The following NLRP11 variants were observed in gnomAD, a reference collection of about 807,000 sequenced individuals.
NLRP11 encodes NACHT, LRR and PYD domains-containing protein 11.
A neutral mutation model predicts 79.3 loss-of-function variants in NLRP11; 53 were observed. The observed-to-expected ratio is 0.67, with a 90% confidence interval of 0.54 to 0.84. The LOEUF is 0.84. Ranked by LOEUF, NLRP11 falls within the 40% of genes least tolerant of loss-of-function variation. NLRP11 has a pLI of 0.00. For missense variants in NLRP11, 1,264 were observed against 1,255.0 expected, an observed-to-expected ratio of 1.01 and a Z score of -0.11; for synonymous variants, 518 against 462.6, an observed-to-expected ratio of 1.12 and a Z score of -1.54.
At chr19:55,786,711 T>C (rs1024534317) in intron 9 of NLRP11, among the ~76,000 whole-genome samples, 27 of 152,142 alleles carry the variant, frequency 1.8e-4, no homozygotes, top group Non-Finnish European at 8.8e-5. Flanking sequence ...TTCTGCAGTT[T>C]AGTTTTTTTT....
upstream of NLRP11, among the ~76,000 whole-genome samples, chr19:55,832,444 G>A (rs529812859): frequency 2.6e-5 from 4 of 152,354 alleles, no homozygotes; most frequent in African/African-American, 9.6e-5. Flanking sequence ...CCAAAGGCAT[G>A]TTTAACAGGT....
intron 9 of NLRP11, among the ~76,000 whole-genome samples, chr19:55,788,580 A>C (rs1213078978): frequency 6.6e-6 from 1 of 151,552 alleles, no homozygotes; most frequent in Admixed American, 6.6e-5. Flanking sequence ...CTCTACTAAA[A>C]ATAGAAAAAA....
At chr19:55,835,116 AG>A (rs1983123697), upstream of NLRP11, among the ~76,000 whole-genome samples, 1 of 152,144 alleles carries the variant, frequency 6.6e-6, no homozygotes, top group African/African-American at 2.4e-5. Flanking sequence ...AATTCCTTAA[AG>A]TTCTCATTAT....
chr19:55,812,151 C>T lies in NLRP11; in HGVS notation c.272-1813G>A, dbSNP rs914358686. ...AAAAAAATGAATAGAAGCATATGTACGGATAACCCAGCTTTTGGAATTAGG... is the reference window on the plus strand; with the variant it reads ...AAAAAAATGAATAGAAGCATATGTATGGATAACCCAGCTTTTGGAATTAGG... On this transcript the variant is annotated intron_variant, in intron 2 of 9. Transcript: ENST00000589093. Among the ~76,000 whole-genome samples, 12 of 152,048 alleles carry T rather than the reference C, an allele frequency of 7.9e-5. No homozygotes were observed. The South Asian group carries it at 1.0e-3, about 13-fold the overall frequency.
intron 6 of NLRP11, 80 bp from the exon 7 acceptor site, chr19:55,792,551 CG>C (rs1250125280): frequency 9.0e-7 from 1 of 1,109,110 alleles, no homozygotes; most frequent in Non-Finnish European, 1.3e-6. Flanking sequence ...CCCACGCCCA[CG>C]GGCGCCTCGA....
chr19:55,821,569 C>A (rs117154631), intron 1 of NLRP11, among the ~76,000 whole-genome samples: 2,460 of 152,308 alleles, frequency 0.016, 32 homozygotes, highest in Admixed American at 0.025. Context: ...CATTGAATGA[C>A]GTCCTCCTAA....
intron 1 of NLRP11, among the ~76,000 whole-genome samples, chr19:55,818,876 C>A (rs1916855466): frequency 6.6e-6 from 1 of 152,122 alleles, no homozygotes. Flanking sequence ...AGGCTGAAAT[C>A]TGTTAGCGCA....
At chr19:55,830,210 AAGT>A (rs1485510084) in intron 1 of NLRP11, among the ~76,000 whole-genome samples, 3 of 152,112 alleles carry the variant, frequency 2.0e-5, no homozygotes, top group African/African-American at 7.2e-5. Flanking sequence ...AGGGATTAGT[AAGT>A]TAAGCCTCAC....
chr19:55,796,304 C>T (rs1978860888), intron 5 of NLRP11, 54 bp from the exon 6 acceptor site: 4 of 1,202,792 alleles, frequency 3.3e-6, no homozygotes, highest in Admixed American at 2.4e-5. Flanking sequence ...GCTATCCCCT[C>T]TTTTAAATTA....
chr19:55,795,779 CGT>C (rs1978784396), intron 6 of NLRP11, among the ~76,000 whole-genome samples: 1 of 151,948 alleles, frequency 6.6e-6, no homozygotes, highest in Non-Finnish European at 1.5e-5. Context: ...TGAGCCACCG[CGT>C]CCGGCCGTGA....
rs144272994 is a variant in NLRP11, at chr19:55,831,144, G to A, written c.-63+819C>T. Reference sequence around the variant, plus strand: ...CCCCCCCGCCCACAACCAACTGAGCGGACCCCCTCCTGGCCAAGATACTTG... The same window carrying A: ...CCCCCCCGCCCACAACCAACTGAGCAGACCCCCTCCTGGCCAAGATACTTG... On this transcript the variant is annotated intron_variant, in intron 1 of 9. Coordinates refer to ENST00000589093, the Ensembl canonical transcript of NLRP11. Among the ~76,000 whole-genome samples, 790 of 85,266 alleles carry A rather than the reference G, an allele frequency of 9.3e-3. 10 individuals are homozygous for A. The highest frequency in any genetic ancestry group is 0.029 in the Middle Eastern group (4 of 138). The allele number at this position is 85,266 out of a possible 152,430, so 55.9% of individuals were successfully genotyped here.
chr19:55,834,862 T>C (rs920695417), upstream of NLRP11, among the ~76,000 whole-genome samples: 1 of 152,150 alleles, frequency 6.6e-6, no homozygotes, highest in Non-Finnish European at 1.5e-5. Context: ...CACAGAATGA[T>C]ACACTATAAT....
intron 7 of NLRP11, 74 bp downstream of exon 7, chr19:55,792,227 C>G (rs1404387645): frequency 5.9e-6 from 8 of 1,347,092 alleles, no homozygotes; most frequent in Non-Finnish European, 6.3e-6. Context: ...AATCTTATCC[C>G]TGCCACCAAC....
intron 2 of NLRP11, among the ~76,000 whole-genome samples, chr19:55,814,504 A>G (rs1483848955): frequency 6.6e-6 from 1 of 152,158 alleles, no homozygotes; most frequent in African/African-American, 2.4e-5. Flanking sequence ...AGGACAAGCT[A>G]TACATTTTGG....
chr19:55,830,168 GT>G (rs1313904150), intron 1 of NLRP11, among the ~76,000 whole-genome samples: 4 of 152,080 alleles, frequency 2.6e-5, no homozygotes, highest in Admixed American at 6.6e-5. Flanking sequence ...GTATCTAGGT[GT>G]TTTTCCCCCC....
intron 5 of NLRP11, among the ~76,000 whole-genome samples, chr19:55,796,743 A>G (rs146284464): frequency 0.11 from 16,467 of 151,036 alleles, 1,021 homozygotes; most frequent in Middle Eastern, 0.17. Flanking sequence ...CTGGAGTGCA[A>G]TGGTGCGATC....
Position 55,796,053 on chromosome 19 carries a change from G to A in NLRP11, c.2342+27C>T, listed in dbSNP as rs752309538. The A allele has an allele frequency of 8.2e-6, 13 of 1,587,906 alleles. No homozygotes were observed. In the African/African-American group the frequency reaches 9.4e-5, roughly 11 times the overall value. ...TATTCAAGTCAGTCTGAGCTTCTAC[G>A]TGGTGAGCTCGTCTAAGCCAACTTA... On this transcript the variant is annotated intron_variant, in intron 6 of 9. Transcript: ENST00000589093.
intron 1 of NLRP11, 94 bp downstream of exon 1, chr19:55,831,869 C>T (rs889499824): frequency 3.9e-5 from 6 of 152,064 alleles, no homozygotes; most frequent in Non-Finnish European, 5.9e-5. Context: ...TTATTTCCAG[C>T]TCCTAACCAA....
At chr19:55,796,491 C>T (rs1978887651) in intron 5 of NLRP11, among the ~76,000 whole-genome samples, 1 of 152,134 alleles carries the variant, frequency 6.6e-6, no homozygotes, top group Non-Finnish European at 1.5e-5. Context: ...TTGCATTCAT[C>T]TCCATGTGGT....
Sources: gnomAD v4.1 joint callset for allele counts (sites outside exome capture counted in the v4.1 genomes callset) on GRCh38, gnomAD v4.1.1 for gene constraint, MANE v1.5 for transcripts, NCBI Gene and HGNC (gene_info 2026-07-23, HGNC 2026-07-21) for gene names.